MORC1: variants seen among roughly 807,000 people sequenced by gnomAD.
MORC1 encodes the protein MORC family CW-type zinc finger 1, also known as MORC family CW-type zinc finger protein 1.
MORC1 carries 59 observed loss-of-function variants against 134.9 expected under a neutral mutation model. The ratio of observed to expected loss-of-function variants is 0.44; its 90% confidence interval spans 0.35 to 0.54. The LOEUF is 0.54. Among genes scored for constraint, MORC1 ranks in the 20% least tolerant of loss-of-function variants. The pLI is 0.00. For missense variants in MORC1, 947 were observed against 1,134.5 expected, an observed-to-expected ratio of 0.83 and a Z score of 2.37; for synonymous variants, 395 against 391.7, an observed-to-expected ratio of 1.01 and a Z score of -0.10.
intron 14 of MORC1, among the ~76,000 whole-genome samples, 158 bp from the exon 15 acceptor site, chr3:109,035,626 T>C (rs185050540): frequency 6.6e-6 from 1 of 152,278 alleles, no homozygotes; most frequent in African/African-American, 2.4e-5. Context: ...TGGTTGTCTC[T>C]GAATAGTGAT....
chr3:109,054,691 C>CT (rs763992301), intron 14 of MORC1, 37 bp downstream of exon 14: 1 of 1,453,562 alleles, frequency 6.9e-7, no homozygotes, highest in Non-Finnish European at 9.1e-7. Context: ...AGTAATCCCT[C>CT]TGTAAGTATC....
intron 14 of MORC1, among the ~76,000 whole-genome samples, chr3:109,050,653 G>A (rs1331409593): frequency 6.6e-6 from 1 of 152,190 alleles, no homozygotes; most frequent in Non-Finnish European, 1.5e-5. Context: ...TGTCTGATTT[G>A]TTGGTCCTAG....
chr3:109,113,915 T>G (rs1951221513), intron 2 of MORC1, among the ~76,000 whole-genome samples: 1 of 152,234 alleles, frequency 6.6e-6, no homozygotes, highest in South Asian at 2.1e-4. Flanking sequence ...ACTAGGATAT[T>G]AATTCCCATC....
intron 17 of MORC1, among the ~76,000 whole-genome samples, chr3:109,016,865 A>AAAAAAAG (rs1948826849): frequency 6.6e-6 from 1 of 152,166 alleles, no homozygotes; most frequent in Admixed American, 6.5e-5. Context: ...ACTCCATCTC[A>AAAAAAAG]AAAAAAGAAA....
At chr3:108,966,763 G>GGATTTCAAA (rs1947230745) in intron 26 of MORC1, among the ~76,000 whole-genome samples, 1 of 152,038 alleles carries the variant, frequency 6.6e-6, no homozygotes, top group Non-Finnish European at 1.5e-5. Context: ...TGTATTGGGA[G>GGATTTCAAA]AGTCGATAGG....
At chr3:109,076,974 T>TAA (rs10674222) in intron 8 of MORC1, among the ~76,000 whole-genome samples, 115,766 of 142,382 alleles carry the variant, frequency 0.81, 47,375 homozygotes, top group East Asian at 0.91. Flanking sequence ...CTTAAAGTAT[T>TAA]AAAAAAAAAA....
intron 17 of MORC1, among the ~76,000 whole-genome samples, chr3:109,016,368 GC>G (rs1441941485): frequency 6.6e-6 from 1 of 151,968 alleles, no homozygotes; most frequent in African/African-American, 2.4e-5. Flanking sequence ...TCCATATAAA[GC>G]CTGCCTCTTT....
At chr3:109,036,903 A>C (rs988705282) in intron 14 of MORC1, among the ~76,000 whole-genome samples, 2 of 152,154 alleles carry the variant, frequency 1.3e-5, no homozygotes, top group Non-Finnish European at 2.9e-5. Flanking sequence ...TTTTGTGGAG[A>C]ATCAAGCAAT....
At chr3:109,001,610 T>C (rs1411420514) in intron 20 of MORC1, among the ~76,000 whole-genome samples, 2 of 152,194 alleles carry the variant, frequency 1.3e-5, no homozygotes, top group African/African-American at 2.4e-5. Flanking sequence ...AATGAAATAA[T>C]AAATTCCTGG....
chr3:109,050,675 C>T (rs1283000243), intron 14 of MORC1, among the ~76,000 whole-genome samples: 1 of 152,108 alleles, frequency 6.6e-6, no homozygotes, highest in Non-Finnish European at 1.5e-5. Context: ...ACACTTGTGC[C>T]TAGCATAGTT....
chr3:109,000,052 T>C (rs569786843), intron 21 of MORC1, among the ~76,000 whole-genome samples: 1 of 152,318 alleles, frequency 6.6e-6, no homozygotes, highest in East Asian at 1.9e-4. Flanking sequence ...TATGTATTCT[T>C]TGATATCAAC....
chr3:109,032,198 T>C (rs1266974474), intron 16 of MORC1, among the ~76,000 whole-genome samples: 1 of 152,158 alleles, frequency 6.6e-6, no homozygotes. Context: ...CTAACCATTT[T>C]CCCTATGGGG....
intron 8 of MORC1, among the ~76,000 whole-genome samples, chr3:109,088,627 T>C (rs1950659428): frequency 6.6e-6 from 1 of 152,088 alleles, no homozygotes; most frequent in African/African-American, 2.4e-5. Flanking sequence ...GTGTACTAGT[T>C]CAACCATTGT....
At chr3:109,074,523 A>G (rs550936049) in intron 8 of MORC1, among the ~76,000 whole-genome samples, 3 of 152,314 alleles carry the variant, frequency 2.0e-5, no homozygotes, top group South Asian at 4.1e-4. Context: ...GAGATTTCAA[A>G]GGTAACAGAA....
rs139223330 is a variant in MORC1 at position 108,960,744 on chromosome 3, T to G, written c.2800-1624A>C. Reference sequence around the variant, plus strand: ...GACAAGGGCAATTTTGTGACAGTTTTGACAGGAAATCATTAGGCATACACC... The same window carrying G: ...GACAAGGGCAATTTTGTGACAGTTTGGACAGGAAATCATTAGGCATACACC... On this transcript the variant is annotated intron_variant, in intron 27 of 27. Transcript: ENST00000232603. 1.8e-3 allele frequency among the ~76,000 whole-genome samples: 271 copies of G among 152,250 alleles called. 2 individuals carry two copies. The highest frequency in any genetic ancestry group is 6.8e-3 in the Middle Eastern group (2 of 294).
rs141625777 is a variant in MORC1, at chr3:109,019,410, C to T, written c.1704+8341G>A. ...TGTTTACAATTAGCAGTTAATTTCT[C>T]AACTTCTCTTACACAGAAGAGCTAC... On this transcript the variant is annotated intron_variant, in intron 17 of 27. Transcript: ENST00000232603. Among the ~76,000 whole-genome samples the T allele has an allele frequency of 2.0e-3, 312 of 152,344 alleles. 1 individual carries two copies. The highest frequency in any genetic ancestry group is 3.8e-3 in the Non-Finnish European group (259 of 68,034).
At chr3:108,972,966 G>A (rs1027182300) in intron 24 of MORC1, among the ~76,000 whole-genome samples, 3 of 152,166 alleles carry the variant, frequency 2.0e-5, no homozygotes, top group Non-Finnish European at 4.4e-5. Flanking sequence ...AAAAGTTCTG[G>A]ATTAGTTCTC....
rs367836634 is a variant in MORC1 at position 109,000,632 on chromosome 3, C to T, written c.2112G>A (p.Lys704=). ...ATTCCTCTACAAAGTTCAGACTCTG[C>T]TTCCTTTTCATTTCCCAAGAAGCGG... ...AQAASWEMKR[K]QSLNFVEECK... is the part of the protein sequence containing the mutation. Residue 704 remains lysine (K), a synonymous_variant, in exon 21 of 28, where the codon AAG becomes AAA. Coordinates refer to ENST00000232603, the MANE Select transcript of MORC1 (RefSeq NM_014429.4). 179 of 1,610,664 alleles carry T rather than the reference C, an allele frequency of 1.1e-4. No individual in the cohort carries two copies. In the Middle Eastern group the frequency reaches 4.0e-3, roughly 36 times the overall value.
chr3:109,095,767 T>C lies in MORC1; in HGVS notation c.424-699A>G, dbSNP rs932273263. On this transcript the variant is annotated intron_variant, in intron 6 of 27. Coordinates refer to ENST00000232603, the MANE Select transcript of MORC1 (RefSeq NM_014429.4). Reference sequence around the variant, plus strand: ...AGGTCTGTAGGCAGAAGACTAGGAGTCTTCCTTGAAAAATCTGACCAACCC... The same window carrying C: ...AGGTCTGTAGGCAGAAGACTAGGAGCCTTCCTTGAAAAATCTGACCAACCC... Among the ~76,000 whole-genome samples, 9 of 151,684 alleles carry C rather than the reference T, an allele frequency of 5.9e-5. No homozygotes were observed. The East Asian group carries it at 1.7e-3, about 29-fold the overall frequency.
Sources: gnomAD v4.1 joint callset for allele counts (sites outside exome capture counted in the v4.1 genomes callset) on GRCh38, gnomAD v4.1.1 for gene constraint, MANE v1.5 for transcripts, NCBI Gene and HGNC (gene_info 2026-07-23, HGNC 2026-07-21) for gene names.